The following ZPR1 variants were observed in gnomAD, a reference collection of about 807,000 sequenced individuals.
ZPR1 encodes the protein ZPR1 zinc finger.
A neutral mutation model predicts 59.6 loss-of-function variants in ZPR1; 37 were observed. The ratio of observed to expected loss-of-function variants is 0.62; its 90% confidence interval spans 0.48 to 0.82. The LOEUF (loss-of-function observed/expected upper bound fraction) is 0.82, where lower values mean the gene tolerates loss of function less well. ZPR1 is among the 40% of genes least tolerant of loss of function. The pLI, the probability that ZPR1 is intolerant of heterozygous loss-of-function variation, is 0.00. For synonymous variants in ZPR1, 191 were observed against 215.2 expected, an observed-to-expected ratio of 0.89 and a Z score of 0.99; for missense variants, 527 against 579.9, an observed-to-expected ratio of 0.91 and a Z score of 0.94.
intron 11 of ZPR1, among the ~76,000 whole-genome samples, chr11:116,782,455 G>A (rs953263795): frequency 2.0e-5 from 3 of 152,064 alleles, no homozygotes; most frequent in East Asian, 1.9e-4. Context: ...AAACAAAATC[G>A]AAACATGTTC....
chr11:116,787,196 T>G, intron 2 of ZPR1, 137 bp from the exon 3 acceptor site: 1 of 796,346 alleles, frequency 1.3e-6, no homozygotes, highest in Non-Finnish European at 2.1e-6. Flanking sequence ...TCCAGACTGC[T>G]CCTTTCGAAT....
rs747853027 is a variant in ZPR1, at chr11:116,778,946, TGCCTCATA to T, written c.1351_1358del (p.Tyr451ArgfsTer30). On this transcript the variant is annotated frameshift_variant, in exon 14 of 14. Transcript: ENST00000227322. LOFTEE classifies it high-confidence loss of function. ...ACTGCTACCGTTGCGGAGCCAGGCC[TGCCTCATA>T]GCCCTCTGTCTTCATGTCATTGAGC... 6.2e-7 allele frequency: 1 copy of T among 1,614,148 alleles called. No individual in the cohort carries two copies. The highest frequency in any genetic ancestry group is 8.5e-7 in the Non-Finnish European group (1 of 1,180,048).
chr11:116,780,389 G>T (rs1940788398), intron 12 of ZPR1, among the ~76,000 whole-genome samples: 1 of 150,096 alleles, frequency 6.7e-6, no homozygotes, highest in South Asian at 2.1e-4. Flanking sequence ...TCAGAACACT[G>T]CCAGCCAAGC....
Position 116,787,062 on chromosome 11 carries a change from G to A in ZPR1, c.334-3C>T, listed in dbSNP as rs1940898977. On this transcript the variant is annotated splice_polypyrimidine_tract_variant and splice_region_variant and intron_variant, in intron 2 of 13. Coordinates refer to ENST00000227322, the MANE Select transcript of ZPR1 (RefSeq NM_003904.5). The stretch of plus-strand genomic sequence containing the variant: ...TTCACCACTTCTCTGTTCATGTCCT[G>A]GGAAGAAAAGAATACGTTCAGTACA... 2 of 1,612,682 alleles carry A rather than the reference G, an allele frequency of 1.2e-6. No individual in the cohort carries two copies. Among genetic ancestry groups the A allele is most frequent in the South Asian group, 1.1e-5 (1 of 91,054 alleles).
At chr11:116,785,020 C>A (rs1484713008) in intron 7 of ZPR1, 79 bp downstream of exon 7, 1 of 1,608,748 alleles carries the variant, frequency 6.2e-7, no homozygotes, top group Non-Finnish European at 8.5e-7. Flanking sequence ...ATGTTGGTGA[C>A]AAGGAAGACA....
chr11:116,787,832 G>A lies in ZPR1; in HGVS notation c.159C>T (p.Asn53=), dbSNP rs1421774342. 1.3e-6 allele frequency: 2 copies of A among 1,557,982 alleles called. No individual in the cohort carries two copies. The highest frequency in any genetic ancestry group is 1.9e-5 in the Admixed American group (1 of 52,450). Reference sequence around the variant, plus strand: ...GCCCCCGCCTCACATTGCAGTAACAGTTCATGCATAGCGACTCGATCTCGG... The same window carrying A: ...GCCCCCGCCTCACATTGCAGTAACAATTCATGCATAGCGACTCGATCTCGG... ...QPTEIESLCM[N]CYCNGMTRLL... Residue 53 remains asparagine, a synonymous_variant, in exon 1 of 14, where the codon AAC becomes AAT. Coordinates refer to ENST00000227322, the MANE Select transcript of ZPR1 (RefSeq NM_003904.5).
intron 8 of ZPR1, 27 bp from the exon 9 acceptor site, chr11:116,784,475 C>T (rs1940855749): frequency 1.2e-6 from 2 of 1,608,816 alleles, no homozygotes; most frequent in Non-Finnish European, 1.7e-6. Flanking sequence ...AGGAAATCTA[C>T]TTCCAGGCGA....
At chr11:116,783,062 T>A (rs1940832761) in intron 10 of ZPR1, 33 bp from the exon 11 acceptor site, 1 of 1,587,348 alleles carries the variant, frequency 6.3e-7, no homozygotes, top group Non-Finnish European at 8.6e-7. Flanking sequence ...AAGCTTTAAG[T>A]CAGAAGCAAA....
rs1008117018 is a variant in ZPR1 at position 116,785,912 on chromosome 11, C to T, written c.496-30G>A. The stretch of plus-strand genomic sequence containing the variant: ...CATGAACAGAGAGTAAAGCATCAGC[C>T]CTGGTGGTGTACCTTATGCCCTGCC... On this transcript the variant is annotated intron_variant, in intron 4 of 13. Transcript: ENST00000227322. The T allele has an allele frequency of 4.4e-6, 7 of 1,600,110 alleles. No homozygotes were observed. In the African/African-American group the frequency reaches 6.7e-5, roughly 15 times the overall value.
chr11:116,780,479 C>A (rs1441388481), intron 12 of ZPR1, among the ~76,000 whole-genome samples: 1 of 150,372 alleles, frequency 6.7e-6, no homozygotes, highest in Non-Finnish European at 1.5e-5. Context: ...CTACCTTCAA[C>A]TGGGCCAGCA....
Position 116,787,564 on chromosome 11 carries a change from CCA to C in ZPR1, c.249_250del (p.Cys83TrpfsTer38). On this transcript the variant is annotated frameshift_variant, in exon 2 of 14. Transcript: ENST00000227322. LOFTEE classifies it high-confidence loss of function. The stretch of plus-strand genomic sequence containing the variant: ...CGACTGGATCTCCGTGTTGTTCCAG[CCA>C]CAGTGCTCGCAGGAAAAGGAGCTCA... The C allele has an allele frequency of 6.2e-7, 1 of 1,614,216 alleles. No homozygotes were observed. The highest frequency in any genetic ancestry group is 8.5e-7 in the Non-Finnish European group (1 of 1,180,032).
At chr11:116,787,729 C>T in intron 1 of ZPR1, 86 bp from the exon 2 acceptor site, 10 of 1,529,020 alleles carry the variant, frequency 6.5e-6, no homozygotes, top group Non-Finnish European at 8.8e-6. Flanking sequence ...CTCGGGGTCC[C>T]CGGCCGGGCC....
In ZPR1 at chr11:116,778,661, G is replaced by GA. The variant is rs1940754321; in HGVS notation, c.*263dup. 12 of 414,798 alleles carry GA rather than the reference G, an allele frequency of 2.9e-5. No homozygotes were observed. The highest frequency in any genetic ancestry group is 8.2e-5 in the Admixed American group (2 of 24,332). 25.7% of individuals were successfully genotyped at this position (414,798 alleles called of 1,614,324 possible). ...GGTGAGGACTTGATATGAAAAAAGT[G>GA]ATGACATACCCCTGGTTCATTTCTG... On this transcript the variant is annotated 3_prime_UTR_variant, in exon 14 of 14. Coordinates refer to ENST00000227322, the MANE Select transcript of ZPR1 (RefSeq NM_003904.5).
intron 12 of ZPR1, 35 bp downstream of exon 12, chr11:116,782,123 G>T: frequency 6.4e-7 from 1 of 1,565,372 alleles, no homozygotes; most frequent in Non-Finnish European, 8.8e-7. Context: ...TGGAGCCCCA[G>T]GATTCTAAGT....
At chr11:116,785,384 G>C in intron 6 of ZPR1, 130 bp downstream of exon 6, 1 of 1,387,312 alleles carries the variant, frequency 7.2e-7, no homozygotes, top group East Asian at 2.3e-5. Flanking sequence ...ACATAAGCAA[G>C]ATGAGAAGCA....
Position 116,781,740 on chromosome 11 carries a change from C to T in ZPR1, c.1179+418G>A, listed in dbSNP as rs1176186674. 3.3e-5 allele frequency among the ~76,000 whole-genome samples: 5 copies of T among 152,236 alleles called. No individual in the cohort carries two copies. In the Middle Eastern group the frequency reaches 0.01, roughly 311 times the overall value. Reference sequence around the variant, plus strand: ...TAGAAAACCAGAAGAGGGCCAGGTGCGGTGGCTCACGCCTGTAATCCCAGC... The same window carrying T: ...TAGAAAACCAGAAGAGGGCCAGGTGTGGTGGCTCACGCCTGTAATCCCAGC... On this transcript the variant is annotated intron_variant, in intron 12 of 13. Transcript: ENST00000227322.
Position 116,782,252 on chromosome 11 carries a change from A to G in ZPR1, c.1093-8T>C. 1 of 1,612,402 alleles carries G rather than the reference A, an allele frequency of 6.2e-7. No homozygotes were observed. Among genetic ancestry groups the G allele is most frequent in the Non-Finnish European group, 8.5e-7 (1 of 1,178,444 alleles). On this transcript the variant is annotated splice_polypyrimidine_tract_variant and splice_region_variant and intron_variant, in intron 11 of 13. Transcript: ENST00000227322. The stretch of plus-strand genomic sequence containing the variant: ...GAAAGGATTTTTGGTCACCTGCAAT[A>G]AATGATAATCCAAACTATGTGAATA...
chr11:116,785,742 C>A (rs1940876377), intron 5 of ZPR1, 54 bp downstream of exon 5: 2 of 1,612,068 alleles, frequency 1.2e-6, no homozygotes, highest in Non-Finnish European at 1.7e-6. Flanking sequence ...TCCCAGCAGT[C>A]TTAATGGTCC....
In ZPR1 at chr11:116,787,917, G is replaced by T. The variant is rs1384258400; in HGVS notation, c.74C>A (p.Pro25Gln). Reference protein sequence around the residue: ...AVAPSPAPAPPPAPDHLFRPI... With the variant: ...AVAPSPAPAPQPAPDHLFRPI... ...CCGGAACAGGTGATCAGGGGCAGGCGGCGGGGCCGGGGCGGGCGACGGGGC... is the reference window on the plus strand; with the variant it reads ...CCGGAACAGGTGATCAGGGGCAGGCTGCGGGGCCGGGGCGGGCGACGGGGC... The change falls in exon 1 of 14, where the codon CCG (proline) becomes CAG (glutamine). Residue 25 changes from proline to glutamine, a missense_variant. Physicochemically the swap from Pro to Gln is moderately conservative, Grantham distance 76. Coordinates refer to ENST00000227322, the MANE Select transcript of ZPR1 (RefSeq NM_003904.5). 6.6e-7 allele frequency: 1 copy of T among 1,510,290 alleles called. No individual in the cohort carries two copies. 93.6% of individuals were successfully genotyped at this position (1,510,290 alleles called of 1,614,324 possible).
Sources: allele counts gnomAD v4.1 joint callset (sites outside exome capture counted in the v4.1 genomes callset), GRCh38; gene constraint gnomAD v4.1.1; transcripts MANE v1.5; gene names NCBI Gene and HGNC (gene_info 2026-07-23, HGNC 2026-07-21).